Variants in TAMALIN observed in about 807,000 individuals in gnomAD.
TAMALIN encodes the protein protein TAMALIN.
Under a neutral mutation model 38.5 loss-of-function variants are expected in TAMALIN, and 9 were observed. The ratio of observed to expected loss-of-function variants is 0.23; its 90% CI spans 0.14 to 0.41. TAMALIN has a LOEUF of 0.41. Among genes scored for constraint, TAMALIN ranks in the 10% least tolerant of loss-of-function variants. The probability of loss-of-function intolerance (pLI) is 1.00; values close to 1 mark genes in which losing one functional copy is unlikely to be tolerated. For synonymous variants in TAMALIN, 306 were observed against 256.5 expected (o/e 1.19, Z -1.85); for missense variants, 548 against 554.1 (o/e 0.99, Z 0.11).
chr12:52,008,264 C>T (rs1330249168), intron 1 of TAMALIN: 1 of 985,174 alleles, frequency 1.0e-6, no homozygotes, highest in Non-Finnish European at 1.2e-6. Context: ...ACAGAAAGGC[C>T]CTGGGCTGTG....
chr12:52,011,208 G>A lies in TAMALIN; in HGVS notation c.454+67G>A, dbSNP rs560518266. The A allele has an allele frequency of 4.4e-6, 7 of 1,600,564 alleles. No homozygotes were observed. The East Asian group carries it at 1.1e-4, about 25-fold the overall frequency. ...ATGACCTTACTCCCAAGCAAAGGGGGTGAGCAATCTCTCCTGAAATCAATT... is the reference window on the plus strand; with the variant it reads ...ATGACCTTACTCCCAAGCAAAGGGGATGAGCAATCTCTCCTGAAATCAATT... On this transcript the variant is annotated intron_variant, in intron 4 of 7. Coordinates refer to ENST00000293662, the MANE Select transcript of TAMALIN (RefSeq NM_181711.4). This position sits in a 1 kb window ranked among gnomAD's most constrained non-coding sequence, Gnocchi z 5.3.
Position 52,014,901 on chromosome 12 carries a change from C to A in TAMALIN, c.890C>A (p.Ala297Glu). ...TTCTTCGGGGACTCCGAGCCGCCGG[C>A]GCTGCCGCCCCCGCCGCCCCCGGCC... ...TCFFGDSEPP[A>E]LPPPPPPARA... The change falls in exon 8 of 8, where the codon GCG becomes GAG. Residue 297 changes from alanine (A) to glutamate (E), a missense_variant. Around this residue, in one of 3 missense-constraint regions of TAMALIN, gnomAD observed 415 missense variants for 417.0 expected, o/e 1.00. Transcript: ENST00000293662. 8.5e-7 allele frequency: 1 copy of A among 1,181,898 alleles called. No individual in the cohort carries two copies. The highest frequency in any genetic ancestry group is 2.2e-5 in the South Asian group (1 of 45,130). The allele number at this position is 1,181,898 out of a possible 1,614,324, so 73.2% of individuals were successfully genotyped here.
At chr12:52,013,075 CTTTTTT>C (rs3035021) in intron 4 of TAMALIN, among the ~76,000 whole-genome samples, 3 of 124,446 alleles carry the variant, frequency 2.4e-5, no homozygotes, top group African/African-American at 6.1e-5. Context: ...GACAGAACTT[CTTTTTT>C]TTTTTTTTTT....
rs757326061 is a variant in TAMALIN, at chr12:52,007,167, C to T, written c.148C>T (p.Pro50Ser). 5 of 1,499,380 alleles carry T rather than the reference C, an allele frequency of 3.3e-6. No individual in the cohort carries two copies. The highest frequency in any genetic ancestry group is 1.3e-5 in the South Asian group (1 of 79,178). The allele number at this position is 1,499,380 out of a possible 1,614,324, so 92.9% of individuals were successfully genotyped here. Residue 50 changes from proline (P) to serine (S), a missense_variant, in exon 1 of 8, where the codon CCC becomes TCC. Physicochemically the swap from Pro to Ser is moderately conservative, Grantham distance 74 (BLOSUM62 -1). Coordinates refer to ENST00000293662, the MANE Select transcript of TAMALIN (RefSeq NM_181711.4). This position sits in a 1 kb window ranked among gnomAD's most constrained non-coding sequence, Gnocchi z 6.7. ...GPPAAAATPG[P>S]PADELYAALE... ...CCCTGCCGCAGCCGCCACCCCTGGG[C>T]CCCCAGCGGACGAGCTGTACGCGGC...
intron 1 of TAMALIN, 42 bp from the exon 2 acceptor site, chr12:52,009,148 A>G (rs1387524859): frequency 6.2e-7 from 1 of 1,600,386 alleles, no homozygotes; most frequent in Admixed American, 1.7e-5. Flanking sequence ...GCTCAAGGAC[A>G]GTCCCGCCTT....
Position 52,014,725 on chromosome 12 carries a change from C to A in TAMALIN, c.714C>A (p.Asp238Glu). 6.6e-7 allele frequency: 1 copy of A among 1,520,020 alleles called. No individual in the cohort carries two copies. The highest frequency in any genetic ancestry group is 2.5e-5 in the East Asian group (1 of 40,376). The allele number at this position is 1,520,020 out of a possible 1,614,324, so 94.2% of individuals were successfully genotyped here. ...GLVVKDPSIY[D>E]TLESVRSCLY... ...TGGTGAAGGACCCCAGCATCTACGACACGCTGGAGTCGGTGCGCTCCTGCC... is the reference window on the plus strand; with the variant it reads ...TGGTGAAGGACCCCAGCATCTACGAAACGCTGGAGTCGGTGCGCTCCTGCC... Residue 238 changes from aspartate to glutamate, a missense_variant, in exon 8 of 8, where the codon GAC (aspartate) becomes GAA (glutamate). Physicochemically the swap from Asp to Glu is conservative, Grantham distance 45 (BLOSUM62 2). This residue lies in a region of TAMALIN where 415 missense variants were observed against 417.0 expected (regional missense o/e 1.00). Transcript: ENST00000293662.
At chr12:52,008,691 C>T (rs1260637962) in intron 1 of TAMALIN, 12 of 985,392 alleles carry the variant, frequency 1.2e-5, no homozygotes, top group Non-Finnish European at 1.4e-5. Flanking sequence ...CCCTCCCAAG[C>T]CACTGTCTGT....
At position 52,015,092 on chromosome 12, in the gene TAMALIN, T is replaced by C. The variant is rs1251393307; in HGVS notation, c.1081T>C (p.Cys361Arg). ...LWTEAREQAL[C>R]GPGLRKTKYR... ...GACTGAGGCTCGCGAGCAGGCCCTA[T>C]GCGGCCCCGGCCTGCGCAAAACCAA... is the stretch of plus-strand genomic sequence containing the variant. The change falls in exon 8 of 8, where the codon TGC becomes CGC. Residue 361 changes from cysteine (C) to arginine (R), a missense_variant. This residue lies in a region of TAMALIN where 415 missense variants were observed against 417.0 expected (regional missense o/e 1.00). Coordinates refer to ENST00000293662, the MANE Select transcript of TAMALIN (RefSeq NM_181711.4). 4 of 1,549,390 alleles carry C rather than the reference T, an allele frequency of 2.6e-6. No homozygotes were observed. The highest frequency in any genetic ancestry group is 1.2e-5 in the South Asian group (1 of 86,286).
chr12:52,014,653 C>A, intron 7 of TAMALIN, 41 bp from the exon 8 acceptor site: 1 of 1,413,748 alleles, frequency 7.1e-7, no homozygotes, highest in South Asian at 1.5e-5. Context: ...CCACCACGGT[C>A]CAGGCCTGAC....
At position 52,015,232 on chromosome 12, in the gene TAMALIN, T is replaced by G; in HGVS notation, c.*33T>G. The G allele has an allele frequency of 6.4e-7, 1 of 1,561,452 alleles. No homozygotes were observed. Among genetic ancestry groups the G allele is most frequent in the Non-Finnish European group, 8.6e-7 (1 of 1,162,460 alleles). On this transcript the variant is annotated 3_prime_UTR_variant, in exon 8 of 8. Coordinates refer to ENST00000293662, the MANE Select transcript of TAMALIN (RefSeq NM_181711.4). ...GGCGGGCAGGGAGGTATTTATTTAT[T>G]TATTCGCAACAGCCAGCGCTAAAAG... is the stretch of plus-strand genomic sequence containing the variant.
Position 52,015,258 on chromosome 12 carries a change from A to T in TAMALIN, c.*59A>T, listed in dbSNP as rs1329980255. 1.3e-6 allele frequency: 2 copies of T among 1,496,970 alleles called. No individual in the cohort carries two copies. Among genetic ancestry groups the T allele is most frequent in the Non-Finnish European group, 1.8e-6 (2 of 1,128,758 alleles). 92.7% of individuals were successfully genotyped at this position (1,496,970 alleles called of 1,614,324 possible). A position where few individuals can be genotyped will look rare whatever the true frequency, so the allele number is the denominator to read the frequency against. On this transcript the variant is annotated 3_prime_UTR_variant, in exon 8 of 8. Coordinates refer to ENST00000293662, the MANE Select transcript of TAMALIN (RefSeq NM_181711.4). ...TATTCGCAACAGCCAGCGCTAAAAG[A>T]GGGGGAGGCCGAGCCAAGAGGACCC...
chr12:52,014,772 CG>C lies in TAMALIN; in HGVS notation c.764del (p.Gly255AlafsTer74). Reference sequence around the variant, plus strand: ...TGCCTCTACGGCGCGGGCCTGCTCCCGGGCTCGCTGCCCTTCGGGCCTCTGC... The same window carrying C: ...TGCCTCTACGGCGCGGGCCTGCTCCCGGCTCGCTGCCCTTCGGGCCTCTGC... ...RSCLYGAGLL[P>X]GSLPFGPLLA... On this transcript the variant is annotated frameshift_variant, in exon 8 of 8. Transcript: ENST00000293662. LOFTEE classifies it high-confidence loss of function. The C allele has an allele frequency of 1.4e-6, 2 of 1,477,812 alleles. No individual in the cohort carries two copies. The highest frequency in any genetic ancestry group is 8.9e-7 in the Non-Finnish European group (1 of 1,123,456). The allele number at this position is 1,477,812 out of a possible 1,614,324, so 91.5% of individuals were successfully genotyped here.
chr12:52,010,834 T>G (rs1298913), intron 2 of TAMALIN, 47 bp from the exon 3 acceptor site: 1,221,891 of 1,607,102 alleles, frequency 0.76, 470,853 homozygotes, highest in African/African-American at 0.89. Context: ...CTATGGGACT[T>G]CTACACCTTT....
intron 7 of TAMALIN, 86 bp from the exon 8 acceptor site, chr12:52,014,608 A>G: frequency 9.8e-7 from 1 of 1,017,010 alleles, no homozygotes; most frequent in Non-Finnish European, 1.4e-6. Context: ...CGGAGCGGGG[A>G]CGCCCCGCCC....
In TAMALIN at chr12:52,015,391, C is replaced by A; in HGVS notation, c.*192C>A. 1.6e-6 allele frequency: 1 copy of A among 636,910 alleles called. No individual in the cohort carries two copies. The highest frequency in any genetic ancestry group is 2.5e-6 in the Non-Finnish European group (1 of 399,922). The allele number at this position is 636,910 out of a possible 1,614,324, so 39.5% of individuals were successfully genotyped here. On this transcript the variant is annotated 3_prime_UTR_variant, in exon 8 of 8. Coordinates refer to ENST00000293662, the MANE Select transcript of TAMALIN (RefSeq NM_181711.4). ...GGGGGGCCCAGCCCCTTCTCTTCTCCCCCGCCAAACCACAGTGGGAGCTGG... is the reference window on the plus strand; with the variant it reads ...GGGGGGCCCAGCCCCTTCTCTTCTCACCCGCCAAACCACAGTGGGAGCTGG...
In TAMALIN at chr12:52,014,931, C is replaced by T; in HGVS notation, c.920C>T (p.Ala307Val). 9.7e-7 allele frequency: 1 copy of T among 1,034,242 alleles called. No individual in the cohort carries two copies. Among genetic ancestry groups the T allele is most frequent in the Non-Finnish European group, 1.2e-6 (1 of 862,000 alleles). The allele number at this position is 1,034,242 out of a possible 1,614,324, so 64.1% of individuals were successfully genotyped here. A position where few individuals can be genotyped will look rare whatever the true frequency, so the allele number is the denominator to read the frequency against. The change falls in exon 8 of 8, where the codon GCC (alanine) becomes GTC (valine). Residue 307 changes from alanine (A) to valine (V), a missense_variant. Ala to Val is a moderately conservative substitution (Grantham distance 64). Around this residue, in one of 3 missense-constraint regions of TAMALIN, gnomAD observed 415 missense variants for 417.0 expected, o/e 1.00. Coordinates refer to ENST00000293662, the MANE Select transcript of TAMALIN (RefSeq NM_181711.4). ...ALPPPPPPAR[A>V]FGPGPAETPA... ...CCGCCCCCGCCGCCCCCGGCCCGCG[C>T]CTTCGGCCCGGGCCCCGCCGAGACC...
chr12:52,013,226 T>C (rs1283167), intron 4 of TAMALIN, among the ~76,000 whole-genome samples: 82,313 of 147,194 alleles, frequency 0.56, 24,447 homozygotes, highest in African/African-American at 0.71. Context: ...TACAGGCGCC[T>C]GCTACCACGC....
chr12:52,008,137 C>T lies in TAMALIN; in HGVS notation c.246+872C>T. Reference sequence around the variant, plus strand: ...AAGACAAAGGGGTCTCTCTGTGCTGCCCAGTCCTTCCTCCCTGGCCGTTTG... The same window carrying T: ...AAGACAAAGGGGTCTCTCTGTGCTGTCCAGTCCTTCCTCCCTGGCCGTTTG... On this transcript the variant is annotated intron_variant, in intron 1 of 7. Coordinates refer to ENST00000293662, the MANE Select transcript of TAMALIN (RefSeq NM_181711.4). 1.0e-5 allele frequency: 10 copies of T among 985,448 alleles called. No individual in the cohort carries two copies. The South Asian group carries it at 4.7e-4, about 46-fold the overall frequency. 61.0% of individuals were successfully genotyped at this position (985,448 alleles called of 1,614,324 possible).
chr12:52,015,272 C>A lies in TAMALIN; in HGVS notation c.*73C>A, dbSNP rs1042727758. On this transcript the variant is annotated 3_prime_UTR_variant, in exon 8 of 8. Transcript: ENST00000293662. ...AGCGCTAAAAGAGGGGGAGGCCGAG[C>A]CAAGAGGACCCCAGGAGCCCAGAGC... is the stretch of plus-strand genomic sequence containing the variant. 2.1e-6 allele frequency: 3 copies of A among 1,458,090 alleles called. No individual in the cohort carries two copies. Among genetic ancestry groups the A allele is most frequent in the African/African-American group, 2.9e-5 (2 of 68,090 alleles). 90.3% of individuals were successfully genotyped at this position (1,458,090 alleles called of 1,614,324 possible).
Sources: gnomAD v4.1 joint callset for allele counts (sites outside exome capture counted in the v4.1 genomes callset) on GRCh38, gnomAD v4.1.1 for gene constraint, gnomAD v4.1.1 regional missense constraint, Gnocchi (gnomAD v3.1) non-coding constraint, MANE v1.5 for transcripts, NCBI Gene and HGNC (gene_info 2026-07-23, HGNC 2026-07-21) for gene names.